Variants in PPP4R3B observed in about 807,000 individuals in gnomAD.
The protein encoded by PPP4R3B is serine/threonine-protein phosphatase 4 regulatory subunit 3B.
In PPP4R3B, 52 loss-of-function variants were observed where a neutral mutation model predicts 95.4. That is an observed-to-expected ratio of 0.54 (90% CI 0.44 to 0.69). PPP4R3B has a LOEUF of 0.69. Among genes scored for constraint, PPP4R3B ranks in the 30% least tolerant of loss-of-function variants. The probability of loss-of-function intolerance (pLI) is 0.00; values close to 1 mark genes in which losing one functional copy is unlikely to be tolerated. For missense variants in PPP4R3B, 1,003 were observed against 1,005.9 expected, an observed-to-expected ratio of 1.00 and a Z score of 0.04; for synonymous variants, 407 against 343.9, an observed-to-expected ratio of 1.18 and a Z score of -2.03.
intron 4 of PPP4R3B, among the ~76,000 whole-genome samples, chr2:55,593,611 G>A (rs1282161617): frequency 6.6e-6 from 1 of 152,116 alleles, no homozygotes; most frequent in African/African-American, 2.4e-5. Context: ...TAAGTGCTTA[G>A]AGGCCACTGT....
intron 2 of PPP4R3B, 119 bp downstream of exon 2, chr2:55,615,332 T>C: frequency 1.3e-6 from 1 of 787,706 alleles, no homozygotes; most frequent in East Asian, 2.7e-5. Flanking sequence ...GAAATACACA[T>C]GATCTTTGTT....
chr2:55,599,165 C>G, intron 3 of PPP4R3B, 126 bp from the exon 4 acceptor site: 1 of 867,022 alleles, frequency 1.2e-6, no homozygotes, highest in Non-Finnish European at 1.7e-6. Flanking sequence ...AGGCCAGGCA[C>G]GGTGGCTCAC....
chr2:55,552,205 G>C (rs1411060662), intron 16 of PPP4R3B, among the ~76,000 whole-genome samples: 2 of 152,082 alleles, frequency 1.3e-5, no homozygotes, highest in Non-Finnish European at 2.9e-5. Flanking sequence ...AAGTAAAAAG[G>C]CCTGTAATCT....
At chr2:55,590,309 A>G (rs1690832117) in intron 4 of PPP4R3B, among the ~76,000 whole-genome samples, 1 of 152,114 alleles carries the variant, frequency 6.6e-6, no homozygotes, top group South Asian at 2.1e-4. Context: ...CCTGGGCAAC[A>G]AGAGTGAAAC....
chr2:55,558,675 T>G, intron 16 of PPP4R3B, 100 bp downstream of exon 16: 1 of 802,974 alleles, frequency 1.2e-6, no homozygotes, highest in Non-Finnish European at 2.0e-6. Flanking sequence ...TCTAAACAAT[T>G]CATTGAAATT....
chr2:55,580,248 G>C (rs1482887457), intron 8 of PPP4R3B, among the ~76,000 whole-genome samples: 1 of 152,040 alleles, frequency 6.6e-6, no homozygotes, highest in Non-Finnish European at 1.5e-5. Flanking sequence ...TAGATTTTAA[G>C]TGTTCTCAAC....
chr2:55,603,357 T>C (rs1458925185), intron 3 of PPP4R3B, among the ~76,000 whole-genome samples: 1 of 152,244 alleles, frequency 6.6e-6, no homozygotes, highest in East Asian at 1.9e-4. Flanking sequence ...CAGTAATCAC[T>C]AGAATAAATT....
intron 14 of PPP4R3B, 40 bp downstream of exon 14, chr2:55,564,862 C>T: frequency 1.3e-6 from 2 of 1,580,412 alleles, no homozygotes; most frequent in Non-Finnish European, 1.7e-6. Context: ...ATTTTGGACA[C>T]AGTTTTGTAG....
intron 3 of PPP4R3B, among the ~76,000 whole-genome samples, chr2:55,600,242 C>A (rs528736996): frequency 5.9e-5 from 9 of 152,086 alleles, no homozygotes; most frequent in Non-Finnish European, 1.3e-4. Flanking sequence ...GCCTGACCAA[C>A]ATGGAGAAAC....
chr2:55,616,602 G>A (rs1478471509), intron 1 of PPP4R3B: 4 of 152,184 alleles, frequency 2.6e-5, no homozygotes. Context: ...AAGAAATGCA[G>A]ACTACAGATG....
intron 4 of PPP4R3B, among the ~76,000 whole-genome samples, chr2:55,593,739 A>C (rs1691355803): frequency 6.6e-6 from 1 of 152,224 alleles, no homozygotes; most frequent in South Asian, 2.1e-4. Flanking sequence ...CACCTCTACA[A>C]AAAATAAAAT....
chr2:55,564,860 C>T (rs1322301034), intron 14 of PPP4R3B, 42 bp downstream of exon 14: 1 of 1,579,946 alleles, frequency 6.3e-7, no homozygotes, highest in African/African-American at 1.4e-5. Flanking sequence ...CAATTTTGGA[C>T]ACAGTTTTGT....
intron 11 of PPP4R3B, 104 bp from the exon 12 acceptor site, chr2:55,573,881 T>A: frequency 1.8e-6 from 1 of 568,566 alleles, no homozygotes; most frequent in Admixed American, 5.4e-5. Context: ...AAACTGTATT[T>A]CCTCCTTTTT....
intron 4 of PPP4R3B, among the ~76,000 whole-genome samples, chr2:55,591,102 A>T (rs1429189213): frequency 6.7e-6 from 1 of 150,244 alleles, no homozygotes; most frequent in African/African-American, 2.4e-5. Flanking sequence ...GGGAGTTTAT[A>T]TGCATATGTA....
intron 16 of PPP4R3B, 67 bp from the exon 17 acceptor site, chr2:55,550,073 C>G: frequency 2.1e-6 from 2 of 961,290 alleles, no homozygotes; most frequent in Non-Finnish European, 3.2e-6. Context: ...AGTACAAATA[C>G]AATCACTTGT....
intron 11 of PPP4R3B, among the ~76,000 whole-genome samples, chr2:55,576,442 G>A (rs985806330): frequency 2.6e-4 from 37 of 140,340 alleles, no homozygotes; most frequent in African/African-American, 9.3e-4. Context: ...TGGAAATTAA[G>A]TTTAAAAAAA....
chr2:55,607,184 T>C (rs1693533741), intron 2 of PPP4R3B, among the ~76,000 whole-genome samples: 1 of 152,220 alleles, frequency 6.6e-6, no homozygotes, highest in African/African-American at 2.4e-5. Flanking sequence ...TGCTGTCACC[T>C]TCATCACCAA....
chr2:55,584,227 A>G (rs560419640), intron 7 of PPP4R3B, among the ~76,000 whole-genome samples: 2 of 152,346 alleles, frequency 1.3e-5, no homozygotes, highest in Non-Finnish European at 2.9e-5. Flanking sequence ...ATAAAAAAAG[A>G]GTACTTTTAA....
rs997637563 is a variant in PPP4R3B at position 55,617,539 on chromosome 2, C to G, written c.-254G>C. On this transcript the variant is annotated 5_prime_UTR_variant, in exon 1 of 17. Coordinates refer to ENST00000616407, the MANE Select transcript of PPP4R3B (RefSeq NM_001122964.3). ...ACCCACTCTCCCGTCTCTTTGCCCC[C>G]CAGGGCTCGCTTGCTCTCCCGCCGC... The G allele has an allele frequency of 2.5e-6, 1 of 392,790 alleles. No individual in the cohort carries two copies. The highest frequency in any genetic ancestry group is 4.6e-6 in the Non-Finnish European group (1 of 218,764). The allele number at this position is 392,790 out of a possible 1,614,324, so 24.3% of individuals were successfully genotyped here.
Sources: allele counts gnomAD v4.1 joint callset (sites outside exome capture counted in the v4.1 genomes callset), GRCh38; gene constraint gnomAD v4.1.1; transcripts MANE v1.5; gene names NCBI Gene and HGNC (gene_info 2026-07-23, HGNC 2026-07-21).